Variants in PCDH15 observed in about 807,000 individuals in gnomAD.
PCDH15 encodes protocadherin-15.
A neutral mutation model predicts 178.5 loss-of-function variants in PCDH15; 129 were observed. The ratio of observed to expected loss-of-function variants is 0.72; its 90% confidence interval spans 0.63 to 0.84. PCDH15 has a LOEUF of 0.84. Ranked by LOEUF, PCDH15 falls within the 40% of genes least tolerant of loss-of-function variation. The pLI, the probability that PCDH15 is intolerant of heterozygous loss-of-function variation, is 0.00. For synonymous variants in PCDH15, 800 were observed against 732.0 expected (o/e 1.09, Z -1.50); for missense variants, 2,230 against 2,099.9 (o/e 1.06, Z -1.21).
chr10:55,066,450 T>C (rs899138810), intron 2 of PCDH15, among the ~76,000 whole-genome samples: 4 of 150,922 alleles, frequency 2.7e-5, no homozygotes, highest in African/African-American at 9.7e-5. Flanking sequence ...ATATGCAGTG[T>C]TCTCTGTATC....
chr10:54,005,401 C>A (rs1911428), intron 20 of PCDH15, among the ~76,000 whole-genome samples: 114,097 of 152,044 alleles, frequency 0.75, 43,428 homozygotes, highest in African/African-American at 0.88. Flanking sequence ...AAATATTTGC[C>A]AACTACCCAT....
chr10:54,688,127 A>C (rs1307795367), intron 1 of PCDH15, among the ~76,000 whole-genome samples: 1 of 152,198 alleles, frequency 6.6e-6, no homozygotes, highest in Non-Finnish European at 1.5e-5. Context: ...GCTGTCCTCA[A>C]TTAAATTAAA....
intron 24 of PCDH15, among the ~76,000 whole-genome samples, chr10:53,939,170 G>GT (rs969800828): frequency 6.6e-6 from 1 of 151,968 alleles, no homozygotes; most frequent in Non-Finnish European, 1.5e-5. Flanking sequence ...AAATTGTAGG[G>GT]TTTTTTTGTT....
intron 5 of PCDH15, among the ~76,000 whole-genome samples, chr10:54,358,695 T>TAAAGACAC (rs1945470461): frequency 6.6e-6 from 1 of 152,074 alleles, no homozygotes; most frequent in South Asian, 2.1e-4. Flanking sequence ...CATGCTGCTG[T>TAAAGACAC]AAAGACACAT....
At chr10:55,250,681 T>A (rs1254434801) in intron 1 of PCDH15, among the ~76,000 whole-genome samples, 1 of 151,004 alleles carries the variant, frequency 6.6e-6, no homozygotes, top group Admixed American at 6.6e-5. Context: ...GGATTACAGG[T>A]GCCCGCCACC....
chr10:53,990,146 C>G (rs562103851), intron 21 of PCDH15, among the ~76,000 whole-genome samples: 17 of 152,170 alleles, frequency 1.1e-4, no homozygotes, highest in African/African-American at 2.9e-4. Context: ...AAAAGAAGAT[C>G]TAGCCATCTT....
intron 1 of PCDH15, among the ~76,000 whole-genome samples, chr10:54,752,529 CAA>C (rs150006610): frequency 1.9e-5 from 1 of 51,960 alleles, no homozygotes; most frequent in Non-Finnish European, 4.9e-5. Context: ...AACAAACAAA[CAA>C]AAAAAAACAA....
intron 20 of PCDH15, among the ~76,000 whole-genome samples, chr10:53,998,375 G>T (rs2091957143): frequency 6.6e-6 from 1 of 152,040 alleles, no homozygotes; most frequent in Admixed American, 6.6e-5. Context: ...TACTCATAAA[G>T]CCTGCAATTT....
chr10:54,090,635 T>C (rs1318927480), intron 15 of PCDH15, among the ~76,000 whole-genome samples: 2 of 111,428 alleles, frequency 1.8e-5, no homozygotes, highest in Non-Finnish European at 3.6e-5. Context: ...CAGAGCAAGA[T>C]CTTGTCTCAA....
At chr10:54,549,454 G>A (rs1389878831) in intron 2 of PCDH15, among the ~76,000 whole-genome samples, 1 of 151,668 alleles carries the variant, frequency 6.6e-6, no homozygotes, top group Non-Finnish European at 1.5e-5. Flanking sequence ...AAATACAAAT[G>A]TATTTATTTT....
At chr10:53,949,250 G>C (rs1254669746) in intron 23 of PCDH15, among the ~76,000 whole-genome samples, 1 of 152,184 alleles carries the variant, frequency 6.6e-6, no homozygotes, top group Non-Finnish European at 1.5e-5. Context: ...TATTATGTTT[G>C]AGGCAAGGTT....
At chr10:55,220,855 TTTTTTTG>T (rs1564904607) in intron 1 of PCDH15, among the ~76,000 whole-genome samples, 2 of 151,958 alleles carry the variant, frequency 1.3e-5, no homozygotes, top group South Asian at 2.1e-4. Flanking sequence ...CCATTCAGTG[TTTTTTTG>T]TTTTTTGTTT....
At chr10:54,853,376 T>C (rs1295460753) in intron 3 of PCDH15, among the ~76,000 whole-genome samples, 2 of 122,142 alleles carry the variant, frequency 1.6e-5, no homozygotes, top group Non-Finnish European at 3.3e-5. Flanking sequence ...CATATATATA[T>C]ACACATACAT....
intron 8 of PCDH15, among the ~76,000 whole-genome samples, chr10:54,295,414 C>T (rs997830436): frequency 5.3e-5 from 8 of 152,208 alleles, no homozygotes; most frequent in South Asian, 2.1e-4. Flanking sequence ...TCAACCTGCT[C>T]GGATCCCCTT....
intron 26 of PCDH15, among the ~76,000 whole-genome samples, chr10:53,888,664 G>GATAT (rs59914675): frequency 0.034 from 577 of 16,854 alleles, 22 homozygotes; most frequent in African/African-American, 0.043. Flanking sequence ...AGTTAAGTTT[G>GATAT]ATATATATAT....
chr10:54,564,497 C>G (rs2088707213), intron 2 of PCDH15, among the ~76,000 whole-genome samples: 1 of 152,042 alleles, frequency 6.6e-6, no homozygotes, highest in Non-Finnish European at 1.5e-5. Context: ...AATGTTCAGT[C>G]TAAAATGACG....
At chr10:53,896,854 C>G (rs767157636) in intron 26 of PCDH15, among the ~76,000 whole-genome samples, 2 of 152,114 alleles carry the variant, frequency 1.3e-5, no homozygotes, top group East Asian at 3.9e-4. Context: ...TCTCATCACA[C>G]CCAGATGGGA....
At chr10:54,261,199 G>A (rs2057292634) in intron 8 of PCDH15, among the ~76,000 whole-genome samples, 2 of 152,126 alleles carry the variant, frequency 1.3e-5, no homozygotes, top group South Asian at 2.1e-4. Context: ...TAAAATCAGT[G>A]AGACCTTATT....
intron 3 of PCDH15, among the ~76,000 whole-genome samples, chr10:54,472,932 A>T (rs532736998): frequency 1.8e-4 from 27 of 152,226 alleles, no homozygotes; most frequent in Non-Finnish European, 3.5e-4. Context: ...TTTAAAATAA[A>T]CTCTTCTATA....
Sources: allele counts gnomAD v4.1 joint callset (sites outside exome capture counted in the v4.1 genomes callset), GRCh38; gene constraint gnomAD v4.1.1; transcripts MANE v1.5; gene names NCBI Gene and HGNC (gene_info 2026-07-23, HGNC 2026-07-21).